SERPINB11: variants seen among roughly 807,000 people sequenced by gnomAD.
The protein encoded by SERPINB11 is serpin B11.
Under a neutral mutation model 36.7 loss-of-function variants are expected in SERPINB11, and 32 were observed. The ratio of observed to expected loss-of-function variants is 0.87; its 90% confidence interval spans 0.66 to 1.17. The LOEUF (loss-of-function observed/expected upper bound fraction) is 1.17. Ranked by LOEUF, SERPINB11 falls within the 50% of genes most tolerant of loss-of-function variation. The probability of loss-of-function intolerance (pLI) is 0.00; values close to 1 mark genes in which losing one functional copy is unlikely to be tolerated. For synonymous variants in SERPINB11, 174 were observed against 168.1 expected (o/e 1.04, Z -0.27); for missense variants, 528 against 458.4 (o/e 1.15, Z -1.39).
At chr18:63,717,277 T>A (rs912868018) in intron 5 of SERPINB11, among the ~76,000 whole-genome samples, 3 of 152,128 alleles carry the variant, frequency 2.0e-5, no homozygotes, top group Non-Finnish European at 2.9e-5. Flanking sequence ...CATTTTACTG[T>A]TAGTAAATAC....
intron 1 of SERPINB11, 132 bp from the exon 2 acceptor site, chr18:63,710,047 T>C: frequency 1.8e-6 from 1 of 570,122 alleles, no homozygotes; most frequent in Non-Finnish European, 2.9e-6. Flanking sequence ...TCAGAAATTG[T>C]GATAAGGGTA....
At chr18:63,711,782 C>T (rs1057341006) in intron 3 of SERPINB11, among the ~76,000 whole-genome samples, 5 of 151,956 alleles carry the variant, frequency 3.3e-5, no homozygotes, top group African/African-American at 4.8e-5. Flanking sequence ...CCTAATATTG[C>T]CCAATCCACA....
At chr18:63,704,676 T>TCA (rs1914324632) in intron 1 of SERPINB11, among the ~76,000 whole-genome samples, 1 of 152,238 alleles carries the variant, frequency 6.6e-6, no homozygotes, top group East Asian at 1.9e-4. Flanking sequence ...TATTCTTTCT[T>TCA]GGTACTATGA....
At chr18:63,711,436 A>C (rs745518716) in intron 3 of SERPINB11, 42 bp downstream of exon 3, 6 of 1,417,130 alleles carry the variant, frequency 4.2e-6, no homozygotes, top group Middle Eastern at 1.8e-4. Flanking sequence ...CTTTAACCTA[A>C]GAGAAGGATG....
At chr18:63,720,525 A>G (rs1206091221) in intron 6 of SERPINB11, 1 of 359,632 alleles carries the variant, frequency 2.8e-6, no homozygotes, top group Admixed American at 4.5e-5. Context: ...AAAGAAAATG[A>G]TTTAATGATA....
intron 5 of SERPINB11, among the ~76,000 whole-genome samples, chr18:63,717,887 G>T (rs949645010): frequency 2.0e-5 from 3 of 151,708 alleles, no homozygotes; most frequent in African/African-American, 7.3e-5. Flanking sequence ...CACATTTTTT[G>T]GACGATTTTA....
chr18:63,719,153 G>A (rs1467156899), intron 5 of SERPINB11, among the ~76,000 whole-genome samples: 1 of 152,028 alleles, frequency 6.6e-6, no homozygotes, highest in Non-Finnish European at 1.5e-5. Flanking sequence ...ATGAAAAGAT[G>A]ATTAGTGTTG....
chr18:63,708,222 C>T (rs1411449108), intron 1 of SERPINB11, among the ~76,000 whole-genome samples: 2 of 152,184 alleles, frequency 1.3e-5, no homozygotes, highest in Non-Finnish European at 2.9e-5. Context: ...ACAGTAAGGA[C>T]TTTGTCTTCT....
intron 3 of SERPINB11, 116 bp from the exon 4 acceptor site, chr18:63,712,449 T>C: frequency 9.8e-7 from 1 of 1,023,348 alleles, no homozygotes; most frequent in Non-Finnish European, 1.4e-6. Context: ...CTAATTTCCT[T>C]GTATTCACAG....
In SERPINB11 at chr18:63,723,347, G is replaced by C; in HGVS notation, c.1127G>C (p.Arg376Thr). The change falls in exon 8 of 8, where the codon AGG becomes ACG. Residue 376 changes from arginine (R) to threonine (T), a missense_variant. By Grantham distance (71) the Arg-to-Thr change is moderately conservative (BLOSUM62 -1). Coordinates refer to ENST00000544088, the MANE Select transcript of SERPINB11 (RefSeq NM_001370475.1). ...AACCACCCCTTCCTTTTCTTTATAA[G>C]GCACACTCATACCAACACGATCCTA... ...KANHPFLFFI[R>T]HTHTNTILFC... The C allele has an allele frequency of 6.2e-7, 1 of 1,613,684 alleles. No individual in the cohort carries two copies. The highest frequency in any genetic ancestry group is 2.2e-5 in the East Asian group (1 of 44,894).
rs1914770797 is a variant in SERPINB11 at position 63,720,177 on chromosome 18, T to A, written c.618+22T>A. On this transcript the variant is annotated intron_variant, in intron 6 of 7. Transcript: ENST00000544088. ...TGAGGTAAGTATTTTATTTTCAGAC[T>A]CATGACAAATGTTGGAGGATACAAT... The A allele has an allele frequency of 1.9e-6, 3 of 1,576,138 alleles. No individual in the cohort carries two copies. In the East Asian group the frequency reaches 6.8e-5, roughly 36 times the overall value.
rs1180947146 is a variant in SERPINB11 at position 63,723,575 on chromosome 18, TTGTTAATC to T, written c.*177_*184del. The T allele has an allele frequency of 3.6e-6, 2 of 554,236 alleles. No homozygotes were observed. Among genetic ancestry groups the T allele is most frequent in the Admixed American group, 3.5e-5 (1 of 28,736 alleles). 34.3% of individuals were successfully genotyped at this position (554,236 alleles called of 1,614,324 possible). ...TTTCATGAGTTGTGAAGCTAAGGCTTTGTTAATCATGGAAAAAGGTAGATTTATGCAGA... is the reference window on the plus strand; with the variant it reads ...TTTCATGAGTTGTGAAGCTAAGGCTTATGGAAAAAGGTAGATTTATGCAGA... On this transcript the variant is annotated 3_prime_UTR_variant, in exon 8 of 8. Transcript: ENST00000544088.
In SERPINB11 at chr18:63,723,444, A is replaced by G; in HGVS notation, c.*45A>G. The G allele has an allele frequency of 6.6e-7, 1 of 1,525,694 alleles. No homozygotes were observed. The allele number at this position is 1,525,694 out of a possible 1,614,324, so 94.5% of individuals were successfully genotyped here. ...GCTCAGAGTTGCAGATGAGGTGCAG[A>G]GACAATCCTGTGACTTTCCCACGGC... On this transcript the variant is annotated 3_prime_UTR_variant, in exon 8 of 8. Transcript: ENST00000544088.
chr18:63,716,256 G>A (rs1914665686), intron 5 of SERPINB11, 104 bp downstream of exon 5: 1 of 617,768 alleles, frequency 1.6e-6, no homozygotes, highest in African/African-American at 1.9e-5. Flanking sequence ...ACCTGACATA[G>A]GCAGATCAGC....
chr18:63,703,829 T>A (rs79927502), intron 1 of SERPINB11, among the ~76,000 whole-genome samples: 1,894 of 152,302 alleles, frequency 0.012, 44 homozygotes, highest in African/African-American at 0.044. Flanking sequence ...TAAGATGTGT[T>A]CCCTTCCACA....
chr18:63,705,392 C>T (rs755943728), intron 1 of SERPINB11: 13 of 151,986 alleles, frequency 8.6e-5, no homozygotes, highest in Non-Finnish European at 1.8e-4. Context: ...TTTAAAAATG[C>T]GTAAGATAAA....
intron 4 of SERPINB11, among the ~76,000 whole-genome samples, chr18:63,714,365 G>T (rs967328803): frequency 1.2e-4 from 18 of 152,174 alleles, no homozygotes; most frequent in Admixed American, 3.3e-4. Flanking sequence ...TTTCGGGCAT[G>T]CATTGTCATT....
chr18:63,711,216 A>T lies in SERPINB11; in HGVS notation c.169-119A>T, dbSNP rs114691011. 4.0e-3 allele frequency: 2,946 copies of T among 729,632 alleles called. 78 individuals are homozygous for T. The African/African-American group carries it at 0.046, about 11-fold the overall frequency. 45.2% of individuals were successfully genotyped at this position (729,632 alleles called of 1,614,324 possible). On this transcript the variant is annotated intron_variant, in intron 2 of 7. Coordinates refer to ENST00000544088, the MANE Select transcript of SERPINB11 (RefSeq NM_001370475.1). ...TTCAGGACTTGGAACACATTATTAA[A>T]TGTTAGCTATCACTACTGATCTTGA...
At chr18:63,719,982 C>G in intron 5 of SERPINB11, 31 bp from the exon 6 acceptor site, 1 of 1,553,848 alleles carries the variant, frequency 6.4e-7, no homozygotes, top group Non-Finnish European at 8.7e-7. Flanking sequence ...GAGTTCAAAT[C>G]CAAATATAAT....
Sources: gnomAD v4.1 joint callset for allele counts (sites outside exome capture counted in the v4.1 genomes callset) on GRCh38, gnomAD v4.1.1 for gene constraint, MANE v1.5 for transcripts, NCBI Gene and HGNC (gene_info 2026-07-23, HGNC 2026-07-21) for gene names.